ARHGEF26: variants seen among roughly 807,000 people sequenced by gnomAD.
The protein encoded by ARHGEF26 is Rho guanine nucleotide exchange factor (GEF) 26.
In ARHGEF26, 59 loss-of-function variants were observed where a neutral mutation model predicts 89.4. That is an observed-to-expected ratio of 0.66 (90% CI 0.54 to 0.82). The LOEUF (loss-of-function observed/expected upper bound fraction) is 0.82, where lower values mean the gene tolerates loss of function less well. Among genes scored for constraint, ARHGEF26 ranks in the 40% least tolerant of loss-of-function variants. ARHGEF26 has a pLI of 0.00. For missense variants in ARHGEF26, 1,234 were observed against 1,085.6 expected (o/e 1.14, Z -1.92); for synonymous variants, 500 against 428.4 (o/e 1.17, Z -2.06).
At chr3:154,222,022 C>T (rs1716163267) in intron 10 of ARHGEF26, among the ~76,000 whole-genome samples, 1 of 152,204 alleles carries the variant, frequency 6.6e-6, no homozygotes, top group East Asian at 1.9e-4. Flanking sequence ...TTAATTCTCA[C>T]ATGAACCCTA....
At chr3:154,175,789 G>A (rs1350555514) in intron 6 of ARHGEF26, among the ~76,000 whole-genome samples, 1 of 152,162 alleles carries the variant, frequency 6.6e-6, no homozygotes, top group African/African-American at 2.4e-5. Context: ...GTTTTACAAA[G>A]AAGCCAGATG....
At chr3:154,210,763 G>A (rs1410925276) in intron 9 of ARHGEF26, among the ~76,000 whole-genome samples, 25 of 151,236 alleles carry the variant, frequency 1.7e-4, no homozygotes, top group Non-Finnish European at 1.9e-4. Context: ...CCAATATGGC[G>A]AAACCCTATC....
intron 9 of ARHGEF26, among the ~76,000 whole-genome samples, chr3:154,195,992 A>G (rs1016403305): frequency 2.0e-5 from 3 of 152,150 alleles, no homozygotes; most frequent in Non-Finnish European, 4.4e-5. Context: ...TAGCTTGGCA[A>G]ATGGCAGTTA....
chr3:154,187,894 C>A, intron 7 of ARHGEF26, 57 bp downstream of exon 7: 1 of 1,432,402 alleles, frequency 7.0e-7, no homozygotes, highest in Non-Finnish European at 9.4e-7. Flanking sequence ...AATTAGGCTA[C>A]ATTGACTGAA....
intron 11 of ARHGEF26, among the ~76,000 whole-genome samples, chr3:154,231,290 C>T (rs1209205884): frequency 6.6e-6 from 1 of 152,122 alleles, no homozygotes; most frequent in East Asian, 1.9e-4. Context: ...GGTATTGTTT[C>T]CCCTGCATCT....
intron 11 of ARHGEF26, among the ~76,000 whole-genome samples, chr3:154,227,875 TATG>T (rs768515414): frequency 6.6e-6 from 1 of 152,206 alleles, no homozygotes; most frequent in Non-Finnish European, 1.5e-5. Flanking sequence ...TAATTTCGAT[TATG>T]ATGACTTTGG....
In ARHGEF26 at chr3:154,256,093, T is replaced by TTTC; in HGVS notation, c.*621_*622insTCT. On this transcript the variant is annotated 3_prime_UTR_variant, in exon 15 of 15. Coordinates refer to ENST00000465093, the MANE Select transcript of ARHGEF26 (RefSeq NM_015595.4). ...CTCATTAGAAGGAAAGTAGAAAGCC[T>TTTC]TACTTTAGGATTTTTAAAAAAAAAT... 1.0e-6 allele frequency: 1 copy of TTTC among 985,388 alleles called. No homozygotes were observed. The highest frequency in any genetic ancestry group is 4.7e-5 in the South Asian group (1 of 21,280). 61.0% of individuals were successfully genotyped at this position (985,388 alleles called of 1,614,324 possible).
intron 4 of ARHGEF26, among the ~76,000 whole-genome samples, chr3:154,136,627 G>A (rs1719026216): frequency 6.6e-6 from 1 of 152,180 alleles, no homozygotes; most frequent in African/African-American, 2.4e-5. Context: ...CTATTTTCTA[G>A]TAAAAATCAG....
chr3:154,222,271 G>A (rs1055800012), intron 10 of ARHGEF26, among the ~76,000 whole-genome samples: 1 of 152,056 alleles, frequency 6.6e-6, no homozygotes, highest in Non-Finnish European at 1.5e-5. Flanking sequence ...CATTTCACAC[G>A]TTTTTTATTT....
In ARHGEF26 at chr3:154,123,124, A is replaced by G. The variant is rs1718102890; in HGVS notation, c.1083+49A>G. On this transcript the variant is annotated intron_variant, in intron 2 of 14. Transcript: ENST00000465093. ...ACGCCATTCACTAAGCGGAAAGTAAATGTGTTGGGAGTGGGGAGGAGGAGC... is the reference window on the plus strand; with the variant it reads ...ACGCCATTCACTAAGCGGAAAGTAAGTGTGTTGGGAGTGGGGAGGAGGAGC... 3.1e-6 allele frequency: 5 copies of G among 1,603,554 alleles called. No individual in the cohort carries two copies. The African/African-American group carries it at 4.0e-5, about 13-fold the overall frequency.
At chr3:154,200,141 A>G (rs1349176468) in intron 9 of ARHGEF26, among the ~76,000 whole-genome samples, 4 of 152,122 alleles carry the variant, frequency 2.6e-5, no homozygotes, top group Admixed American at 6.6e-5. Context: ...GCCCAGACCA[A>G]TGTGCTGGAG....
Position 154,194,649 on chromosome 3 carries a change from C to G in ARHGEF26, c.1776C>G (p.Ile592Met), listed in dbSNP as rs146072099. Reference sequence around the variant, plus strand: ...TCACTTTTATTTCATTACAGACTATCTGTCAAAAAACACCTAAGGACTCTC... The same window carrying G: ...TCACTTTTATTTCATTACAGACTATGTGTCAAAAAACACCTAAGGACTCTC... The part of the protein sequence containing the change: ...VTRLPLLMDT[I>M]CQKTPKDSPK... The change falls in exon 9 of 15, where the codon ATC becomes ATG. Residue 592 changes from isoleucine to methionine, a missense_variant. Coordinates refer to ENST00000465093, the MANE Select transcript of ARHGEF26 (RefSeq NM_015595.4). 3,300 of 1,609,814 alleles carry G rather than the reference C, an allele frequency of 2.0e-3. 34 individuals are homozygous for G. In the Admixed American group the frequency reaches 0.025, roughly 12 times the overall value.
At chr3:154,142,739 C>T (rs1178646426) in intron 4 of ARHGEF26, among the ~76,000 whole-genome samples, 1 of 152,174 alleles carries the variant, frequency 6.6e-6, no homozygotes, top group Non-Finnish European at 1.5e-5. Context: ...AACATCAGAC[C>T]TGTTGTACCT....
Position 154,236,422 on chromosome 3 carries a change from T to C in ARHGEF26, c.2091-3948T>C, listed in dbSNP as rs116993460. 1.4e-3 allele frequency among the ~76,000 whole-genome samples: 215 copies of C among 152,330 alleles called. 3 individuals carry two copies. The highest frequency in any genetic ancestry group is 0.013 in the East Asian group (70 of 5,190). On this transcript the variant is annotated intron_variant, in intron 11 of 14. Coordinates refer to ENST00000465093, the MANE Select transcript of ARHGEF26 (RefSeq NM_015595.4). Reference sequence around the variant, plus strand: ...GCAGCTGGTAAACTTGGAGCACATATAAGACAATCAAAGGAAGTCTCCATA... The same window carrying C: ...GCAGCTGGTAAACTTGGAGCACATACAAGACAATCAAAGGAAGTCTCCATA...
chr3:154,213,266 C>T (rs539179083), intron 9 of ARHGEF26, among the ~76,000 whole-genome samples: 14 of 142,466 alleles, frequency 9.8e-5, no homozygotes, highest in African/African-American at 1.8e-4. Flanking sequence ...TGCTTTTGTT[C>T]CAGGCCTAAT....
intron 5 of ARHGEF26, among the ~76,000 whole-genome samples, chr3:154,150,858 T>TA (rs1719978266): frequency 1.3e-5 from 2 of 152,224 alleles, no homozygotes; most frequent in African/African-American, 4.8e-5. Context: ...CTACCTGCTA[T>TA]ATATAACAGG....
At chr3:154,218,188 C>T (rs1205038387) in intron 10 of ARHGEF26, among the ~76,000 whole-genome samples, 3 of 150,952 alleles carry the variant, frequency 2.0e-5, no homozygotes, top group African/African-American at 4.9e-5. Flanking sequence ...TTTTTTTTTT[C>T]CAGGAAGACA....
At chr3:154,216,229 A>G (rs1020942764) in intron 9 of ARHGEF26, among the ~76,000 whole-genome samples, 5 of 151,822 alleles carry the variant, frequency 3.3e-5, no homozygotes, top group African/African-American at 1.2e-4. Flanking sequence ...TGACTCTAAT[A>G]TGGGCATTTT....
intron 11 of ARHGEF26, 76 bp downstream of exon 11, chr3:154,226,086 T>C (rs1716468070): frequency 1.6e-6 from 2 of 1,271,770 alleles, no homozygotes; most frequent in Admixed American, 2.9e-5. Context: ...GTTAGGGTGA[T>C]CATCCTTTAA....
Sources: gnomAD v4.1 joint callset for allele counts (sites outside exome capture counted in the v4.1 genomes callset) on GRCh38, gnomAD v4.1.1 for gene constraint, MANE v1.5 for transcripts, NCBI Gene and HGNC (gene_info 2026-07-23, HGNC 2026-07-21) for gene names.